Variants in NKAIN3 observed in about 807,000 individuals in gnomAD.
NKAIN3 encodes the protein sodium/potassium-transporting ATPase subunit beta-1-interacting protein 3.
Under a neutral mutation model 30.2 loss-of-function variants are expected in NKAIN3, and 25 were observed. The ratio of observed to expected loss-of-function variants is 0.83; its 90% confidence interval spans 0.60 to 1.16. The LOEUF (loss-of-function observed/expected upper bound fraction) is 1.16, where lower values mean the gene tolerates loss of function less well. Among genes scored for constraint, NKAIN3 ranks in the 50% most tolerant of loss-of-function variants. The pLI, the probability that NKAIN3 is intolerant of heterozygous loss-of-function variation, is 0.00. For missense variants in NKAIN3, 225 were observed against 254.1 expected (o/e 0.89, Z 0.78); for synonymous variants, 91 against 89.6 (o/e 1.02, Z -0.09).
At chr8:62,447,393 T>C (rs1805518641) in intron 1 of NKAIN3, among the ~76,000 whole-genome samples, 1 of 152,044 alleles carries the variant, frequency 6.6e-6, no homozygotes, top group Non-Finnish European at 1.5e-5. Context: ...AACCCGTCTA[T>C]TTCCCTTAAG....
chr8:62,318,017 G>A (rs1262537232), intron 1 of NKAIN3, among the ~76,000 whole-genome samples: 1 of 152,114 alleles, frequency 6.6e-6, no homozygotes, highest in Admixed American at 6.5e-5. Flanking sequence ...GGATTCCTAG[G>A]TATTTTATTC....
chr8:62,303,760 A>G (rs1814132052), intron 1 of NKAIN3, among the ~76,000 whole-genome samples: 1 of 150,690 alleles, frequency 6.6e-6, no homozygotes, highest in South Asian at 2.1e-4. Flanking sequence ...TATTGAAAAC[A>G]TTGCCTGATG....
intron 3 of NKAIN3, among the ~76,000 whole-genome samples, chr8:62,614,390 G>A (rs1811385332): frequency 1.3e-5 from 2 of 152,086 alleles, no homozygotes; most frequent in African/African-American, 4.8e-5. Context: ...CCTAAATTTG[G>A]GAGTGGAGTG....
intron 1 of NKAIN3, among the ~76,000 whole-genome samples, chr8:62,437,604 G>C (rs1318821901): frequency 6.6e-6 from 1 of 152,168 alleles, no homozygotes; most frequent in African/African-American, 2.4e-5. Context: ...AGTTATGGGT[G>C]CTACGGAGAG....
intron 4 of NKAIN3, among the ~76,000 whole-genome samples, chr8:62,849,857 G>T (rs62510772): frequency 0.11 from 16,390 of 151,872 alleles, 992 homozygotes; most frequent in African/African-American, 0.15. Flanking sequence ...TCTATCATTG[G>T]TGGACATTTG....
At chr8:62,589,077 G>T (rs1810571422) in intron 2 of NKAIN3, among the ~76,000 whole-genome samples, 1 of 151,772 alleles carries the variant, frequency 6.6e-6, no homozygotes, top group Admixed American at 6.6e-5. Context: ...AGACCAGTAG[G>T]TTTAAAATTT....
chr8:62,296,846 G>A (rs375505027), intron 1 of NKAIN3, among the ~76,000 whole-genome samples: 1 of 152,028 alleles, frequency 6.6e-6, no homozygotes, highest in African/African-American at 2.4e-5. Context: ...CCAATATGTA[G>A]CCCTTGGTCT....
At chr8:62,484,127 C>T (rs1377792200) in intron 1 of NKAIN3, among the ~76,000 whole-genome samples, 1 of 152,226 alleles carries the variant, frequency 6.6e-6, no homozygotes, top group East Asian at 1.9e-4. Context: ...TAAAGCCAGC[C>T]CTTCCCACAG....
intron 5 of NKAIN3, among the ~76,000 whole-genome samples, chr8:62,936,786 T>C (rs1233458927): frequency 3.3e-5 from 5 of 152,170 alleles, no homozygotes; most frequent in Non-Finnish European, 7.3e-5. Flanking sequence ...TTTATTCTGC[T>C]AAAAATGTTT....
intron 1 of NKAIN3, among the ~76,000 whole-genome samples, chr8:62,441,820 C>T (rs1805333502): frequency 1.3e-5 from 2 of 151,788 alleles, no homozygotes; most frequent in African/African-American, 4.8e-5. Flanking sequence ...TTATCTCATC[C>T]CCTCCTTTAA....
chr8:62,821,310 C>T (rs1002558286), intron 4 of NKAIN3, among the ~76,000 whole-genome samples: 3 of 152,114 alleles, frequency 2.0e-5, no homozygotes, highest in Admixed American at 2.0e-4. Flanking sequence ...TGTCTGTTTC[C>T]TCTTTCACTA....
At chr8:62,585,790 G>A (rs2092726445) in intron 2 of NKAIN3, among the ~76,000 whole-genome samples, 1 of 152,170 alleles carries the variant, frequency 6.6e-6, no homozygotes, top group East Asian at 1.9e-4. Flanking sequence ...TGCTTCTTTG[G>A]CTATAGACAG....
At chr8:62,914,327 A>G (rs985161518) in intron 4 of NKAIN3, among the ~76,000 whole-genome samples, 3 of 152,120 alleles carry the variant, frequency 2.0e-5, no homozygotes, top group African/African-American at 7.2e-5. Flanking sequence ...GAAACAATAG[A>G]CACTGGGGCC....
At chr8:62,509,283 A>G (rs1005020299) in intron 1 of NKAIN3, among the ~76,000 whole-genome samples, 2 of 151,968 alleles carry the variant, frequency 1.3e-5, no homozygotes, top group Non-Finnish European at 2.9e-5. Context: ...CTCACCCTAT[A>G]CTTTGCACCC....
intron 1 of NKAIN3, among the ~76,000 whole-genome samples, chr8:62,506,476 C>CTTTCTTTCTTTTTTTTTTTTTTTTTTT (rs71559373): frequency 2.0e-5 from 2 of 98,438 alleles, no homozygotes; most frequent in Non-Finnish European, 3.8e-5. Context: ...TTCTTTCTTT[C>CTTTCTTTCTTTTTTTTTTTTTTTTTTT]TTTTTTTTTT....
chr8:62,572,826 C>T (rs1842354), intron 1 of NKAIN3, among the ~76,000 whole-genome samples: 56,506 of 151,996 alleles, frequency 0.37, 12,357 homozygotes, highest in Non-Finnish European at 0.5. Flanking sequence ...CCTCCAACAA[C>T]GTGGGAATTA....
chr8:62,818,927 G>A lies in NKAIN3; in HGVS notation c.471+71798G>A, dbSNP rs143258122. On this transcript the variant is annotated intron_variant, in intron 4 of 6. Coordinates refer to ENST00000623646, the MANE Select transcript of NKAIN3 (RefSeq NM_001304533.3). The stretch of plus-strand genomic sequence containing the variant: ...AAAGCATGCTGGGAAGATTGCTACA[G>A]ATTAAAAGATACTTAAGAAGGAAAT... 1.6e-3 allele frequency among the ~76,000 whole-genome samples: 243 copies of A among 151,876 alleles called. 1 individual carries two copies. Among genetic ancestry groups the A allele is most frequent in the South Asian group, 3.5e-3 (17 of 4,816 alleles).
chr8:62,799,974 C>T lies in NKAIN3; in HGVS notation c.471+52845C>T, dbSNP rs115507829. ...AATGGAAAACCAAATATCATATGTT[C>T]TCACTCATGAGTTGGAGCTAAGATA... On this transcript the variant is annotated intron_variant, in intron 4 of 6. Coordinates refer to ENST00000623646, the MANE Select transcript of NKAIN3 (RefSeq NM_001304533.3). 5.5e-3 allele frequency among the ~76,000 whole-genome samples: 836 copies of T among 152,214 alleles called. 2 individuals are homozygous for T. The highest frequency in any genetic ancestry group is 0.018 in the African/African-American group (765 of 41,544).
At chr8:62,441,580 G>C (rs1034949303) in intron 1 of NKAIN3, among the ~76,000 whole-genome samples, 5 of 151,712 alleles carry the variant, frequency 3.3e-5, no homozygotes, top group Admixed American at 6.6e-5. Flanking sequence ...CCTGGTATAG[G>C]TAAATTTTTG....
Sources: allele counts gnomAD v4.1 joint callset (sites outside exome capture counted in the v4.1 genomes callset), GRCh38; gene constraint gnomAD v4.1.1; transcripts MANE v1.5; gene names NCBI Gene and HGNC (gene_info 2026-07-23, HGNC 2026-07-21).